The following BLTP3B variants were observed in gnomAD, a reference collection of about 807,000 sequenced individuals.
BLTP3B encodes bridge-like lipid transfer protein family member 3B.
At chr12:100,101,077 G>C in the BLTP3B span, among the ~76,000 whole-genome samples, 1 of 152,210 alleles carries the variant, frequency 6.6e-6, no homozygotes, top group East Asian at 1.9e-4. Context: ...AGTTCTTTCC[G>C]ACTCTAGCCA....
the BLTP3B span, among the ~76,000 whole-genome samples, chr12:100,066,493 T>C: frequency 2.0e-5 from 3 of 151,786 alleles, no homozygotes; most frequent in African/African-American, 4.8e-5. Context: ...AAAGAAACAA[T>C]GGATTTAAAC....
chr12:100,084,949 G>A, the BLTP3B span, among the ~76,000 whole-genome samples: 1 of 152,038 alleles, frequency 6.6e-6, no homozygotes, highest in African/African-American at 2.4e-5. Flanking sequence ...TTCACTGGAT[G>A]CTCAATTACC....
At chr12:100,096,162 G>A in the BLTP3B span, among the ~76,000 whole-genome samples, 12 of 152,122 alleles carry the variant, frequency 7.9e-5, no homozygotes, top group South Asian at 4.1e-4. Context: ...GGTGGAGGCA[G>A]GAGAATTGCT....
chr12:100,083,234 ACTTCT>A, the BLTP3B span: 1 of 743,206 alleles, frequency 1.3e-6, no homozygotes, highest in Middle Eastern at 2.4e-4. Context: ...GTGAATACTA[ACTTCT>A]CAAACAAGAT....
chr12:100,053,029 G>A, the BLTP3B span, among the ~76,000 whole-genome samples: 9 of 151,418 alleles, frequency 5.9e-5, no homozygotes, highest in Middle Eastern at 3.2e-3. Flanking sequence ...TCCTGACTTC[G>A]CGATCCACCC....
At chr12:100,110,344 A>G in the BLTP3B span, among the ~76,000 whole-genome samples, 1 of 152,254 alleles carries the variant, frequency 6.6e-6, no homozygotes, top group South Asian at 2.1e-4. Context: ...CATGTATTTG[A>G]CCAATGATGC....
the BLTP3B span, among the ~76,000 whole-genome samples, chr12:100,066,727 C>A: frequency 6.6e-6 from 1 of 151,626 alleles, no homozygotes; most frequent in African/African-American, 2.4e-5. Flanking sequence ...TGGCGTGAAC[C>A]CAGGAGGCAG....
chr12:100,073,590 T>A, the BLTP3B span, among the ~76,000 whole-genome samples: 1 of 152,074 alleles, frequency 6.6e-6, no homozygotes, highest in African/African-American at 2.4e-5. Flanking sequence ...TGTATATATA[T>A]ATAATTATTA....
At chr12:100,102,917 T>A in the BLTP3B span, 17 of 1,024,238 alleles carry the variant, frequency 1.7e-5, no homozygotes, top group Non-Finnish European at 2.3e-5. Context: ...ATTATTAAAG[T>A]ATTATTTAAG....
At chr12:100,083,558 G>A in the BLTP3B span, among the ~76,000 whole-genome samples, 1 of 152,084 alleles carries the variant, frequency 6.6e-6, no homozygotes, top group East Asian at 1.9e-4. Flanking sequence ...TAGCTAGTAA[G>A]AGCAGATTTT....
chr12:100,055,538 G>A, the BLTP3B span, among the ~76,000 whole-genome samples: 6 of 151,840 alleles, frequency 4.0e-5, no homozygotes, highest in Admixed American at 1.3e-4. Context: ...TTAGCTAGGC[G>A]TGGTGGTGGG....
At chr12:100,087,994 C>T in the BLTP3B span, among the ~76,000 whole-genome samples, 5 of 152,134 alleles carry the variant, frequency 3.3e-5, no homozygotes, top group Admixed American at 6.6e-5. Context: ...CCACAAACCC[C>T]GAATCTTCCT....
the BLTP3B span, among the ~76,000 whole-genome samples, chr12:100,078,470 CCT>C: frequency 1.3e-5 from 2 of 152,112 alleles, no homozygotes; most frequent in East Asian, 3.9e-4. Context: ...TAACACAGCC[CCT>C]GACACCACAG....
chr12:100,058,992 C>T, the BLTP3B span: 7 of 1,614,118 alleles, frequency 4.3e-6, no homozygotes, highest in Middle Eastern at 1.6e-4. Flanking sequence ...CCGCTTCAAT[C>T]GGCCAGCCAG....
At chr12:100,085,159 T>C in the BLTP3B span, among the ~76,000 whole-genome samples, 1 of 152,094 alleles carries the variant, frequency 6.6e-6, no homozygotes, top group South Asian at 2.1e-4. Context: ...GAAAAATATA[T>C]AATCAGAATC....
the BLTP3B span, among the ~76,000 whole-genome samples, chr12:100,061,349 A>T: frequency 6.6e-6 from 1 of 152,234 alleles, no homozygotes; most frequent in Non-Finnish European, 1.5e-5. Flanking sequence ...AACCCAGGAC[A>T]CTAAGCAGTA....
At chr12:100,095,447 T>C in the BLTP3B span, among the ~76,000 whole-genome samples, 1 of 152,222 alleles carries the variant, frequency 6.6e-6, no homozygotes, top group Admixed American at 6.5e-5. Context: ...TATGTCATCA[T>C]TAGCTTTAGT....
chr12:100,045,065 G>A, the BLTP3B span, among the ~76,000 whole-genome samples: 3 of 152,110 alleles, frequency 2.0e-5, no homozygotes, highest in Non-Finnish European at 4.4e-5. Context: ...CCTCTTCAAG[G>A]AGAACTACAA....
the BLTP3B span, chr12:100,089,184 G>A: frequency 8.9e-7 from 1 of 1,128,758 alleles, no homozygotes; most frequent in Middle Eastern, 2.1e-4. Context: ...CGAAAGTCAT[G>A]AAAAATAACC....
Sources: gnomAD v4.1 joint callset for allele counts (sites outside exome capture counted in the v4.1 genomes callset) on GRCh38, gnomAD v4.1.1 for gene constraint, MANE v1.5 for transcripts, NCBI Gene and HGNC (gene_info 2026-07-23, HGNC 2026-07-21) for gene names.